CMYA5: variants seen among roughly 807,000 people sequenced by gnomAD.
CMYA5 encodes the protein cardiomyopathy-associated protein 5.
A neutral mutation model predicts 318.9 loss-of-function variants in CMYA5; 246 were observed. The observed-to-expected ratio is 0.77, with a 90% CI of 0.70 to 0.86. The LOEUF (loss-of-function observed/expected upper bound fraction) is 0.86. CMYA5 is among the 40% of genes least tolerant of loss of function. The pLI is 0.00. For synonymous variants in CMYA5, 1,641 were observed against 1,729.5 expected, an observed-to-expected ratio of 0.95 and a Z score of 1.27; for missense variants, 4,589 against 4,678.2, an observed-to-expected ratio of 0.98 and a Z score of 0.56.
At chr5:79,775,857 T>C (rs1005804042) in intron 9 of CMYA5, among the ~76,000 whole-genome samples, 3 of 152,002 alleles carry the variant, frequency 2.0e-5, no homozygotes, top group African/African-American at 4.8e-5. Context: ...TGTGGAGGGG[T>C]AAAGGAGGGC....
Position 79,733,473 on chromosome 5 carries a change from TCTC to T in CMYA5, c.4711_4713del (p.Pro1571del). ...CAAAGATGAGGAAACAGCAAGTTCA[TCTC>T]CTGAGTTGGAAAATTTAGCATCAGG... On this transcript the variant is annotated inframe_deletion, in exon 2 of 13. Coordinates refer to ENST00000446378, the MANE Select transcript of CMYA5 (RefSeq NM_153610.5). 3.1e-6 allele frequency: 5 copies of T among 1,613,932 alleles called. No individual in the cohort carries two copies. The highest frequency in any genetic ancestry group is 4.2e-6 in the Non-Finnish European group (5 of 1,179,844).
chr5:79,734,251 A>T lies in CMYA5; in HGVS notation c.5486A>T (p.His1829Leu). The change falls in exon 2 of 13, where the codon CAT becomes CTT. Residue 1829 changes from histidine to leucine, a missense_variant. Physicochemically the swap from His to Leu is moderately conservative, Grantham distance 99. Around this residue, in one of 3 missense-constraint regions of CMYA5, gnomAD observed 2,132 missense variants for 2,131.3 expected, o/e 1.00. Coordinates refer to ENST00000446378, the MANE Select transcript of CMYA5 (RefSeq NM_153610.5). Reference protein sequence around the residue: ...VEQKKTEKALHSDQTVKLPDV... With the variant: ...VEQKKTEKALLSDQTVKLPDV... ...CAAAAAAAGACAGAAAAAGCACTTC[A>T]TTCAGATCAAACTGTTAAATTACCT... 1 of 1,613,736 alleles carries T rather than the reference A, an allele frequency of 6.2e-7. No homozygotes were observed. Among genetic ancestry groups the T allele is most frequent in the Non-Finnish European group, 8.5e-7 (1 of 1,179,792 alleles).
At chr5:79,791,164 G>T in intron 11 of CMYA5, 95 bp downstream of exon 11, 1 of 754,852 alleles carries the variant, frequency 1.3e-6, no homozygotes. Flanking sequence ...GCATATTCAT[G>T]GTGCAGTGAA....
rs766733171 is a variant in CMYA5, at chr5:79,738,466, C to T, written c.9701C>T (p.Thr3234Ile). 2 of 1,613,628 alleles carry T rather than the reference C, an allele frequency of 1.2e-6. No homozygotes were observed. The highest frequency in any genetic ancestry group is 1.7e-6 in the Non-Finnish European group (2 of 1,179,840). The change falls in exon 2 of 13, where the codon ACA becomes ATA. Residue 3234 changes from threonine to isoleucine, a missense_variant. Thr to Ile is a moderately conservative substitution (Grantham distance 89). Around this residue, in one of 3 missense-constraint regions of CMYA5, gnomAD observed 2,431 missense variants for 2,495.1 expected, o/e 0.97. Coordinates refer to ENST00000446378, the MANE Select transcript of CMYA5 (RefSeq NM_153610.5). ...PSRNSDTDDGTGIYFEKYILK... is the reference protein window; with the variant it reads ...PSRNSDTDDGIGIYFEKYILK... ...AGAAATTCTGACACTGATGATGGAA[C>T]AGGAATATATTTTGAGAAGTACATA...
chr5:79,714,936 T>C (rs1259927123), intron 1 of CMYA5, among the ~76,000 whole-genome samples: 7 of 152,228 alleles, frequency 4.6e-5, no homozygotes, highest in Non-Finnish European at 1.0e-4. Flanking sequence ...TATTATTTAT[T>C]TTGCAAGGCT....
At chr5:79,744,511 G>C (rs747673704) in intron 3 of CMYA5, among the ~76,000 whole-genome samples, 5 of 152,206 alleles carry the variant, frequency 3.3e-5, no homozygotes, top group Non-Finnish European at 5.9e-5. Context: ...ATCAGGACTG[G>C]CAGAGGGCCT....
chr5:79,756,928 A>C (rs1828540815), intron 6 of CMYA5, among the ~76,000 whole-genome samples: 1 of 152,164 alleles, frequency 6.6e-6, no homozygotes, highest in Admixed American at 6.5e-5. Flanking sequence ...GCAGTGGCTC[A>C]TGCCTGTAAT....
intron 12 of CMYA5, among the ~76,000 whole-genome samples, chr5:79,795,308 C>A (rs35278462): frequency 0.064 from 9,697 of 152,206 alleles, 328 homozygotes; most frequent in Middle Eastern, 0.088. Context: ...GCTCCTGTGG[C>A]AGCCCCTCCT....
At chr5:79,743,582 C>T (rs563665355) in intron 2 of CMYA5, among the ~76,000 whole-genome samples, 2 of 152,252 alleles carry the variant, frequency 1.3e-5, no homozygotes, top group African/African-American at 4.8e-5. Flanking sequence ...CATTCTTTCA[C>T]TTACGAAGAT....
intron 5 of CMYA5, among the ~76,000 whole-genome samples, chr5:79,749,867 C>A (rs1428805921): frequency 6.6e-6 from 1 of 152,182 alleles, no homozygotes; most frequent in Non-Finnish European, 1.5e-5. Context: ...TTTGTAACCA[C>A]CTCCTGTTGC....
chr5:79,740,298 C>G (rs1339018724), intron 2 of CMYA5, among the ~76,000 whole-genome samples: 3 of 152,188 alleles, frequency 2.0e-5, no homozygotes, highest in African/African-American at 4.8e-5. Flanking sequence ...GCAAGAGAGA[C>G]AACACAGGGT....
In CMYA5 at chr5:79,734,988, C is replaced by G; in HGVS notation, c.6223C>G (p.Pro2075Ala). The stretch of plus-strand genomic sequence containing the variant: ...CTCTTCTGTCAAAACAGCCCATTTC[C>G]CGGCAGAAGGTGTGGAACCTGCATT... ...ISSSVKTAHF[P>A]AEGVEPALGN... The change falls in exon 2 of 13, where the codon CCG becomes GCG. Residue 2075 changes from proline to alanine, a missense_variant. Pro to Ala is a conservative substitution (Grantham distance 27, BLOSUM62 -1). This residue lies in a region of CMYA5 where 2,431 missense variants were observed against 2,495.1 expected (regional missense o/e 0.97). Coordinates refer to ENST00000446378, the MANE Select transcript of CMYA5 (RefSeq NM_153610.5). 6.2e-7 allele frequency: 1 copy of G among 1,613,694 alleles called. No individual in the cohort carries two copies.
chr5:79,751,517 G>T (rs1466451984), intron 5 of CMYA5, among the ~76,000 whole-genome samples: 8 of 152,136 alleles, frequency 5.3e-5, no homozygotes, highest in Non-Finnish European at 1.2e-4. Context: ...ACAGTAGTAA[G>T]TGTAGAAGTC....
Position 79,735,760 on chromosome 5 carries a change from C to T in CMYA5, c.6995C>T (p.Ala2332Val), listed in dbSNP as rs1419337224. The part of the protein sequence containing the change: ...LIGEKLVMEE[A>V]KTIVPPHVTD... ...GGTGAGAAATTGGTTATGGAAGAAGCCAAAACTATTGTTCCTCCTCATGTT... is the reference window on the plus strand; with the variant it reads ...GGTGAGAAATTGGTTATGGAAGAAGTCAAAACTATTGTTCCTCCTCATGTT... Residue 2332 changes from alanine (A) to valine (V), a missense_variant, in exon 2 of 13, where the codon GCC (alanine) becomes GTC (valine). Physicochemically the swap from Ala to Val is moderately conservative, Grantham distance 64. This residue lies in a region of CMYA5 where 2,431 missense variants were observed against 2,495.1 expected (regional missense o/e 0.97). Transcript: ENST00000446378. 2 of 1,575,952 alleles carry T rather than the reference C, an allele frequency of 1.3e-6. No homozygotes were observed. The highest frequency in any genetic ancestry group is 1.7e-6 in the Non-Finnish European group (2 of 1,167,224).
chr5:79,713,301 C>T (rs997782985), intron 1 of CMYA5, among the ~76,000 whole-genome samples: 3 of 118,094 alleles, frequency 2.5e-5, no homozygotes, highest in African/African-American at 3.6e-5. Context: ...CACCCCGCCC[C>T]CACCCCCCAC....
chr5:79,786,188 C>T (rs1036271496), intron 9 of CMYA5, among the ~76,000 whole-genome samples: 1 of 152,232 alleles, frequency 6.6e-6, no homozygotes, highest in African/African-American at 2.4e-5. Context: ...TTCAGCTCCA[C>T]TGGAGCTTAT....
In CMYA5 at chr5:79,732,016, C is replaced by T. The variant is rs376163991; in HGVS notation, c.3251C>T (p.Thr1084Ile). The T allele has an allele frequency of 9.9e-6, 16 of 1,613,814 alleles. No individual in the cohort carries two copies. Among genetic ancestry groups the T allele is most frequent in the Non-Finnish European group, 1.2e-5 (14 of 1,179,864 alleles). Residue 1084 changes from threonine (T) to isoleucine (I), a missense_variant, in exon 2 of 13, where the codon ACA becomes ATA. Physicochemically the swap from Thr to Ile is moderately conservative, Grantham distance 89. Transcript: ENST00000446378. ...GAAGACTTAAGTCTGCCGCCTTCAA[C>T]AGATAAATCAGAGAAAGCAGAAATT... ...PLEDLSLPPS[T>I]DKSEKAEIKP...
At chr5:79,779,028 G>A (rs1271156683) in intron 9 of CMYA5, among the ~76,000 whole-genome samples, 1 of 74,824 alleles carries the variant, frequency 1.3e-5, no homozygotes, top group African/African-American at 7.2e-5. Flanking sequence ...GTGTCATCTA[G>A]CATTAGGTAT....
intron 1 of CMYA5, among the ~76,000 whole-genome samples, chr5:79,698,329 C>T (rs1310152524): frequency 1.3e-5 from 2 of 148,878 alleles, no homozygotes; most frequent in Non-Finnish European, 3.0e-5. Flanking sequence ...AAAAAAAAAA[C>T]ACCTGATAGA....
Sources: gnomAD v4.1 joint callset for allele counts (sites outside exome capture counted in the v4.1 genomes callset) on GRCh38, gnomAD v4.1.1 for gene constraint, gnomAD v4.1.1 regional missense constraint, MANE v1.5 for transcripts, NCBI Gene and HGNC (gene_info 2026-07-23, HGNC 2026-07-21) for gene names.